Variants in UMODL1 observed in about 807,000 individuals in gnomAD.
UMODL1 encodes the protein uromodulin-like 1.
UMODL1 carries 128 observed loss-of-function variants against 136.3 expected under a neutral mutation model. That is an observed-to-expected ratio of 0.94 (90% confidence interval 0.81 to 1.09). The LOEUF (loss-of-function observed/expected upper bound fraction) is 1.09. UMODL1 is among the 50% of genes least tolerant of loss of function. UMODL1 has a pLI of 0.00. For missense variants in UMODL1, 1,766 were observed against 1,725.6 expected, an observed-to-expected ratio of 1.02 and a Z score of -0.41; for synonymous variants, 721 against 720.0, an observed-to-expected ratio of 1.00 and a Z score of -0.02.
intron 9 of UMODL1, among the ~76,000 whole-genome samples, chr21:42,105,038 G>A (rs527545064): frequency 1.5e-4 from 23 of 152,302 alleles, no homozygotes; most frequent in Non-Finnish European, 2.6e-4. Flanking sequence ...GCTCAGCCAC[G>A]TGCTGGCTTC....
intron 22 of UMODL1, among the ~76,000 whole-genome samples, chr21:42,140,900 G>C (rs565225385): frequency 3.2e-4 from 48 of 152,180 alleles, no homozygotes; most frequent in African/African-American, 1.1e-3. Context: ...GTAGCTTTTG[G>C]CCTCTGGTTT....
Position 42,071,397 on chromosome 21 carries a change from G to A in UMODL1, c.76+5G>A, listed in dbSNP as rs2066230050. Reference sequence around the variant, plus strand: ...GCCAGGCCAGCGGCTTCACAGGTGAGGGGTCTGGGCTTGGCATGGGCAGTT... The same window carrying A: ...GCCAGGCCAGCGGCTTCACAGGTGAAGGGTCTGGGCTTGGCATGGGCAGTT... On this transcript the variant is annotated splice_donor_5th_base_variant and intron_variant, in intron 1 of 22. Transcript: ENST00000408910. The A allele has an allele frequency of 6.3e-7, 1 of 1,583,388 alleles. No homozygotes were observed. The highest frequency in any genetic ancestry group is 1.8e-5 in the Admixed American group (1 of 55,538).
intron 13 of UMODL1, 61 bp downstream of exon 13, chr21:42,113,891 G>A: frequency 6.4e-7 from 1 of 1,567,744 alleles, no homozygotes. Context: ...GACTTTCTGT[G>A]GGTTAAGGCT....
Position 42,071,378 on chromosome 21 carries a change from C to G in UMODL1, c.62C>G (p.Ala21Gly). Residue 21 changes from alanine (A) to glycine (G), a missense_variant, in exon 1 of 23, where the codon GCC becomes GGC. Physicochemically the swap from Ala to Gly is moderately conservative, Grantham distance 60. Transcript: ENST00000408910. ...ALVSAVGPSQ[A>G]SGFTEKGLSL... ...GTCAGTGCTGTGGGCCCAAGCCAGGCCAGCGGCTTCACAGGTGAGGGGTCT... is the reference window on the plus strand; with the variant it reads ...GTCAGTGCTGTGGGCCCAAGCCAGGGCAGCGGCTTCACAGGTGAGGGGTCT... The G allele has an allele frequency of 6.3e-7, 1 of 1,592,872 alleles. No homozygotes were observed.
intron 22 of UMODL1, 120 bp from the exon 23 acceptor site, chr21:42,141,976 A>G: frequency 6.6e-6 from 1 of 152,238 alleles, no homozygotes; most frequent in Middle Eastern, 3.4e-3. Context: ...TCTCCAGTAA[A>G]CATAGACGCC....
At position 42,110,892 on chromosome 21, in the gene UMODL1, G is replaced by A. The variant is rs754251780; in HGVS notation, c.1670G>A (p.Ser557Asn). The A allele has an allele frequency of 1.2e-6, 2 of 1,606,494 alleles. No homozygotes were observed. The highest frequency in any genetic ancestry group is 1.1e-5 in the South Asian group (1 of 89,224). Reference protein sequence around the residue: ...AGRACEGDLVSPMGGGLSAAT... With the variant: ...AGRACEGDLVNPMGGGLSAAT... Reference sequence around the variant, plus strand: ...TGTGTCTTGGCAGGTGACCTGGTGAGCCCCATGGGCGGTGGACTGTCTGCG... The same window carrying A: ...TGTGTCTTGGCAGGTGACCTGGTGAACCCCATGGGCGGTGGACTGTCTGCG... The change falls in exon 11 of 23, where the codon AGC (serine) becomes AAC (asparagine). Residue 557 changes from serine (S) to asparagine (N), a missense_variant. Physicochemically the swap from Ser to Asn is conservative, Grantham distance 46. Transcript: ENST00000408910.
rs561197572 is a variant in UMODL1 at position 42,137,447 on chromosome 21, C to T, written c.3784C>T (p.Pro1262Ser). ...CCTGTCTCCTCCCCGAGGTGAGCCT[C>T]CTCATGCAGAAGCAGGCCTGGGTGC... ...GPLIRSEGEP[P>S]HAEAGLGAGY... Residue 1262 changes from proline to serine, a missense_variant, in exon 22 of 23, where the codon CCT becomes TCT. Pro to Ser is a moderately conservative substitution (Grantham distance 74). Transcript: ENST00000408910. The T allele has an allele frequency of 1.2e-6, 2 of 1,614,202 alleles. No homozygotes were observed. The highest frequency in any genetic ancestry group is 3.3e-4 in the Middle Eastern group (2 of 6,052).
intron 2 of UMODL1, among the ~76,000 whole-genome samples, chr21:42,077,184 T>C (rs894927289): frequency 6.6e-6 from 1 of 151,868 alleles, no homozygotes; most frequent in African/African-American, 2.4e-5. Context: ...CAGCTTGGTG[T>C]TGGCCAGGGT....
chr21:42,074,143 G>A (rs913833226), intron 1 of UMODL1, among the ~76,000 whole-genome samples: 3 of 152,070 alleles, frequency 2.0e-5, no homozygotes, highest in Non-Finnish European at 4.4e-5. Flanking sequence ...ATGAAGTTGC[G>A]GGCAGGGCTG....
At chr21:42,112,960 G>A (rs959108966) in intron 12 of UMODL1, 2 of 152,782 alleles carry the variant, frequency 1.3e-5, no homozygotes, top group African/African-American at 2.4e-5. Flanking sequence ...TTCACAGCAG[G>A]AATCTGTGCA....
Position 42,109,594 on chromosome 21 carries a change from G to C in UMODL1, c.1552G>C (p.Asp518His). ...CGAGTGTGTGGACAGCGCGGAACAC[G>C]ACTGCTCACCGGCTGCCTGGTGCAT... is the stretch of plus-strand genomic sequence containing the variant. Reference protein sequence around the residue: ...WDECVDSAEHDCSPAAWCINL... With the variant: ...WDECVDSAEHHCSPAAWCINL... The change falls in exon 10 of 23, where the codon GAC becomes CAC. Residue 518 changes from aspartate (D) to histidine (H), a missense_variant. Asp to His is a moderately conservative substitution (Grantham distance 81). Transcript: ENST00000408910. 3 of 1,611,698 alleles carry C rather than the reference G, an allele frequency of 1.9e-6. No individual in the cohort carries two copies. Among genetic ancestry groups the C allele is most frequent in the Non-Finnish European group, 2.5e-6 (3 of 1,180,014 alleles).
intron 14 of UMODL1, among the ~76,000 whole-genome samples, chr21:42,118,099 C>T (rs992093292): frequency 1.3e-5 from 2 of 152,240 alleles, no homozygotes; most frequent in Admixed American, 1.3e-4. Context: ...CTCTTCACCA[C>T]TTCCTAGCAA....
rs543692802 is a variant in UMODL1, at chr21:42,133,795, T to C, written c.3776-3644T>C. ...CCAGTCATGTTGGACTAGGGGCCTA[T>C]CTACCTGCTTAACTAGTTGCACCTG... is the stretch of plus-strand genomic sequence containing the variant. On this transcript the variant is annotated intron_variant, in intron 21 of 22. Transcript: ENST00000408910. Among the ~76,000 whole-genome samples, 3 of 152,376 alleles carry C rather than the reference T, an allele frequency of 2.0e-5. No individual in the cohort carries two copies. In the South Asian group the frequency reaches 6.2e-4, roughly 32 times the overall value.
Position 42,109,659 on chromosome 21 carries a change from C to T in UMODL1, c.1617C>T (p.Thr539=), listed in dbSNP as rs1245375798. 1 of 1,608,046 alleles carries T rather than the reference C, an allele frequency of 6.2e-7. No homozygotes were observed. Among genetic ancestry groups the T allele is most frequent in the Non-Finnish European group, 8.5e-7 (1 of 1,179,986 alleles). Residue 539 remains threonine (T), a synonymous_variant, in exon 10 of 23, where the codon ACC becomes ACT. Transcript: ENST00000408910. The stretch of plus-strand genomic sequence containing the variant: ...CCTACACCTGCCAGTGCCGTACCAC[C>T]AGGGACGCCACCCCCTCCCGCGCAG... ...EGSYTCQCRT[T]RDATPSRAGR... is the part of the protein sequence containing the mutation.
At chr21:42,091,098 T>A (rs1283826457) in intron 6 of UMODL1, among the ~76,000 whole-genome samples, 3 of 152,258 alleles carry the variant, frequency 2.0e-5, no homozygotes, top group African/African-American at 4.8e-5. Flanking sequence ...CAGCCATTAT[T>A]GATCTCCTAG....
At chr21:42,103,683 A>G in intron 8 of UMODL1, 185 bp from the exon 9 acceptor site, 1 of 752,780 alleles carries the variant, frequency 1.3e-6, no homozygotes, top group Non-Finnish European at 2.4e-6. Flanking sequence ...CGTCCCAGGG[A>G]AAGCCCAGCT....
rs1436825738 is a variant in UMODL1, at chr21:42,075,755, C to T, written c.77-250C>T. ...GCCCAGGTGGCACCTCCTCCTCGGTCACAGCGGCTTTCTTAGCAGGCCAGG... is the reference window on the plus strand; with the variant it reads ...GCCCAGGTGGCACCTCCTCCTCGGTTACAGCGGCTTTCTTAGCAGGCCAGG... On this transcript the variant is annotated intron_variant, in intron 1 of 22. Coordinates refer to ENST00000408910, the MANE Select transcript of UMODL1 (RefSeq NM_001004416.3). Among the ~76,000 whole-genome samples, 3 of 152,374 alleles carry T rather than the reference C, an allele frequency of 2.0e-5. No individual in the cohort carries two copies. The East Asian group carries it at 5.8e-4, about 29-fold the overall frequency.
At chr21:42,098,891 C>A in intron 6 of UMODL1, 35 bp from the exon 7 acceptor site, 1 of 1,609,588 alleles carries the variant, frequency 6.2e-7, no homozygotes. Context: ...CCCTCACTGA[C>A]CCTTTGCTCA....
intron 3 of UMODL1, among the ~76,000 whole-genome samples, chr21:42,084,651 C>T (rs1403542728): frequency 6.6e-6 from 1 of 151,954 alleles, no homozygotes; most frequent in Non-Finnish European, 1.5e-5. Flanking sequence ...TATGCGCCTG[C>T]TGGTCTGGAA....
Sources: allele counts gnomAD v4.1 joint callset (sites outside exome capture counted in the v4.1 genomes callset), GRCh38; gene constraint gnomAD v4.1.1; transcripts MANE v1.5; gene names NCBI Gene and HGNC (gene_info 2026-07-23, HGNC 2026-07-21).